The following ZNF626 variants were observed in gnomAD, a reference collection of about 807,000 sequenced individuals.
The protein encoded by ZNF626 is zinc finger protein 626, also known as CTC-513N18.7.
ZNF626 carries 4 observed loss-of-function variants against 11.7 expected under a neutral mutation model. That is an observed-to-expected ratio of 0.34 (90% confidence interval 0.17 to 0.78). The LOEUF (loss-of-function observed/expected upper bound fraction) is 0.78. ZNF626 is among the 30% of genes least tolerant of loss of function. The probability of loss-of-function intolerance (pLI) is 0.57; values close to 1 mark genes in which losing one functional copy is unlikely to be tolerated. For missense variants in ZNF626, 588 were observed against 587.1 expected (o/e 1.00, Z -0.01); for synonymous variants, 179 against 198.6 (o/e 0.90, Z 0.83).
In ZNF626 at chr19:20,625,634, A is replaced by G; in HGVS notation, c.243T>C (p.Phe81=). 6.5e-7 allele frequency: 1 copy of G among 1,544,824 alleles called. No individual in the cohort carries two copies. Among genetic ancestry groups the G allele is most frequent in the Non-Finnish European group, 8.7e-7 (1 of 1,150,666 alleles). The change falls in exon 4 of 4, where the codon TTT becomes TTC. Residue 81 remains phenylalanine (F), a synonymous_variant. Coordinates refer to ENST00000601440, the MANE Select transcript of ZNF626 (RefSeq NM_001076675.3). The stretch of plus-strand genomic sequence containing the variant: ...TCTGCTCTGGCCAAAGGTCTTGGGC[A>G]AAATGAGAACACATTACTGAAAGAA... The part of the protein sequence containing the change: ...IAKPSVMCSH[F]AQDLWPEQSM...
intron 1 of ZNF626, among the ~76,000 whole-genome samples, chr19:20,660,167 G>A (rs928356413): frequency 6.7e-6 from 1 of 150,230 alleles, no homozygotes; most frequent in Admixed American, 6.7e-5. Flanking sequence ...GGCTGAGGTA[G>A]GAGAATCGCT....
chr19:20,660,190 G>GC (rs1970249081), intron 1 of ZNF626, among the ~76,000 whole-genome samples: 1 of 143,268 alleles, frequency 7.0e-6, no homozygotes, highest in Non-Finnish European at 1.5e-5. Context: ...AACCCAGTAA[G>GC]CCGAGATCAC....
intron 3 of ZNF626, among the ~76,000 whole-genome samples, chr19:20,629,619 C>T (rs1316238451): frequency 6.6e-6 from 1 of 152,154 alleles, no homozygotes; most frequent in African/African-American, 2.4e-5. Context: ...GATTTTTGTA[C>T]ATTGATTTTG....
intron 3 of ZNF626, 37 bp from the exon 4 acceptor site, chr19:20,625,687 T>A (rs1969822242): frequency 6.7e-7 from 1 of 1,502,288 alleles, no homozygotes; most frequent in Admixed American, 2.4e-5. Context: ...CTTCAATTGG[T>A]AGACTCAGAT....
intron 1 of ZNF626, among the ~76,000 whole-genome samples, 177 bp downstream of exon 1, chr19:20,661,267 C>G (rs1212534637): frequency 6.6e-6 from 1 of 152,224 alleles, no homozygotes; most frequent in Non-Finnish European, 1.5e-5. Flanking sequence ...CGGGTGCCGG[C>G]TGTCAGCGCA....
rs377055841 is a variant in ZNF626 at position 20,625,390 on chromosome 19, G to C, written c.487C>G (p.Gln163Glu). The C allele has an allele frequency of 7.6e-5, 123 of 1,613,840 alleles. No homozygotes were observed. Among genetic ancestry groups the C allele is most frequent in the Non-Finnish European group, 1.0e-4 (122 of 1,180,006 alleles). The change falls in exon 4 of 4, where the codon CAA becomes GAA. Residue 163 changes from glutamine to glutamate, a missense_variant. Coordinates refer to ENST00000601440, the MANE Select transcript of ZNF626 (RefSeq NM_001076675.3). ...TTTTTCCCAGTATGTCCTCTCTTTT[G>C]TCCGTTTGAATTTGGAAATTGATGA... ...VLHQFPNSNG[Q>E]KRGHTGKKPF...
rs1205882346 is a variant in ZNF626, at chr19:20,661,362, G to A, written c.3+82C>T. 16 of 1,570,532 alleles carry A rather than the reference G, an allele frequency of 1.0e-5. No homozygotes were observed. In the East Asian group the frequency reaches 1.3e-4, roughly 13 times the overall value. On this transcript the variant is annotated intron_variant, in intron 1 of 3. Coordinates refer to ENST00000601440, the MANE Select transcript of ZNF626 (RefSeq NM_001076675.3). Reference sequence around the variant, plus strand: ...CAGACTGTGGAGCTGACTGCGGGGAGGCCTGAGTCCCGCCACAGCCACTTT... The same window carrying A: ...CAGACTGTGGAGCTGACTGCGGGGAAGCCTGAGTCCCGCCACAGCCACTTT...
rs1555769069 is a variant in ZNF626, at chr19:20,624,039, T to C, written c.*251A>G. 1 of 703,544 alleles carries C rather than the reference T, an allele frequency of 1.4e-6. No individual in the cohort carries two copies. 43.6% of individuals were successfully genotyped at this position (703,544 alleles called of 1,614,324 possible). ...CACATGGTTTCTCTCCAGTATGAAT[T>C]ATCTTATGTGCAGTAAGGTGTGAGG... On this transcript the variant is annotated 3_prime_UTR_variant, in exon 4 of 4. Coordinates refer to ENST00000601440, the MANE Select transcript of ZNF626 (RefSeq NM_001076675.3).
At chr19:20,637,063 C>A (rs1555770985) in intron 3 of ZNF626, among the ~76,000 whole-genome samples, 3 of 147,680 alleles carry the variant, frequency 2.0e-5, no homozygotes, top group Non-Finnish European at 4.5e-5. Flanking sequence ...GTGCCCACCA[C>A]ACTCCATCCT....
At position 20,661,288 on chromosome 19, in the gene ZNF626, T is replaced by C. The variant is rs543184186; in HGVS notation, c.3+156A>G. ...CCGGCTGTCAGCGCAGCTGCCATTT[T>C]ATGGCTGAACAGGACTGAGGCCGAG... is the stretch of plus-strand genomic sequence containing the variant. On this transcript the variant is annotated intron_variant, in intron 1 of 3. Transcript: ENST00000601440. Among the ~76,000 whole-genome samples, 8 of 152,334 alleles carry C rather than the reference T, an allele frequency of 5.3e-5. No homozygotes were observed. In the South Asian group the frequency reaches 1.7e-3, roughly 32 times the overall value.
At chr19:20,641,503 A>T (rs782296140) in intron 3 of ZNF626, among the ~76,000 whole-genome samples, 27 of 152,172 alleles carry the variant, frequency 1.8e-4, no homozygotes, top group South Asian at 2.1e-4. Flanking sequence ...TTGTTATTTC[A>T]TGGGTATTGA....
Position 20,624,029 on chromosome 19 carries a change from C to A in ZNF626, c.*261G>T. 1.5e-6 allele frequency: 1 copy of A among 674,008 alleles called. No individual in the cohort carries two copies. Among genetic ancestry groups the A allele is most frequent in the Admixed American group, 2.5e-5 (1 of 40,562 alleles). 41.8% of individuals were successfully genotyped at this position (674,008 alleles called of 1,614,324 possible). A position where few individuals can be genotyped will look rare whatever the true frequency, so the allele number is the denominator to read the frequency against. On this transcript the variant is annotated 3_prime_UTR_variant, in exon 4 of 4. Transcript: ENST00000601440. ...TCATCACATTCACATGGTTTCTCTC[C>A]AGTATGAATTATCTTATGTGCAGTA...
rs558408207 is a variant in ZNF626 at position 20,633,678 on chromosome 19, T to G, written c.227-8028A>C. ...GGGTGGGAGTGACCAAATTTTCCAG[T>G]TGCCATCTGTCACCCTTTTCTTTGA... On this transcript the variant is annotated intron_variant, in intron 3 of 3. Coordinates refer to ENST00000601440, the MANE Select transcript of ZNF626 (RefSeq NM_001076675.3). Among the ~76,000 whole-genome samples the G allele has an allele frequency of 1.1e-4, 16 of 152,302 alleles. No individual in the cohort carries two copies. The East Asian group carries it at 3.1e-3, about 29-fold the overall frequency.
At chr19:20,653,068 A>C (rs1970164934) in intron 1 of ZNF626, among the ~76,000 whole-genome samples, 1 of 152,188 alleles carries the variant, frequency 6.6e-6, no homozygotes, top group African/African-American at 2.4e-5. Flanking sequence ...GATAAGAAAT[A>C]GGCAGAAACA....
At chr19:20,631,926 C>T (rs548470034) in intron 3 of ZNF626, among the ~76,000 whole-genome samples, 258 of 151,906 alleles carry the variant, frequency 1.7e-3, no homozygotes, top group Middle Eastern at 3.4e-3. Context: ...GCGGCTGGTA[C>T]CGGTTGCTCC....
At chr19:20,632,438 A>G (rs1472920983) in intron 3 of ZNF626, among the ~76,000 whole-genome samples, 1 of 152,094 alleles carries the variant, frequency 6.6e-6, no homozygotes, top group African/African-American at 2.4e-5. Context: ...TCAGATGTAG[A>G]TTTGGTCTTT....
rs2144801114 is a variant in ZNF626, at chr19:20,661,536, A to AGTAG, written c.-91_-90insCTAC. 1 of 1,503,182 alleles carries AGTAG rather than the reference A, an allele frequency of 6.7e-7. No homozygotes were observed. Among genetic ancestry groups the AGTAG allele is most frequent in the South Asian group, 1.2e-5 (1 of 84,844 alleles). The allele number at this position is 1,503,182 out of a possible 1,614,324, so 93.1% of individuals were successfully genotyped here. A position where few individuals can be genotyped will look rare whatever the true frequency, so the allele number is the denominator to read the frequency against. On this transcript the variant is annotated 5_prime_UTR_variant, in exon 1 of 4. Transcript: ENST00000601440. ...CCACACAGCCTGGGCCTTTAGGAGA[A>AGTAG]GAACCAGACCTGGAGCTCTGACTGC... is the stretch of plus-strand genomic sequence containing the variant.
chr19:20,647,868 T>C (rs192921948), intron 1 of ZNF626, among the ~76,000 whole-genome samples: 1 of 152,036 alleles, frequency 6.6e-6, no homozygotes, highest in Non-Finnish European at 1.5e-5. Flanking sequence ...AAAAGTAAAT[T>C]ATAGTCCGAA....
At position 20,625,603 on chromosome 19, in the gene ZNF626, TCATG is replaced by T; in HGVS notation, c.270_273del (p.Ser90ArgfsTer10). ...AGTACCACTTTTTGGAAAGAATCTT[TCATG>T]CTCTGCTCTGGCCAAAGGTCTTGGG... On this transcript the variant is annotated frameshift_variant, in exon 4 of 4. Coordinates refer to ENST00000601440, the MANE Select transcript of ZNF626 (RefSeq NM_001076675.3). LOFTEE classifies it low-confidence loss of function (END_TRUNC). 6.3e-7 allele frequency: 1 copy of T among 1,594,624 alleles called. No homozygotes were observed. The highest frequency in any genetic ancestry group is 1.2e-5 in the South Asian group (1 of 86,646).
Sources: allele counts gnomAD v4.1 joint callset (sites outside exome capture counted in the v4.1 genomes callset), GRCh38; gene constraint gnomAD v4.1.1; transcripts MANE v1.5; gene names NCBI Gene and HGNC (gene_info 2026-07-23, HGNC 2026-07-21).